Variants in P3H2 observed in about 807,000 individuals in gnomAD.
The protein encoded by P3H2 is prolyl 3-hydroxylase 2.
A neutral mutation model predicts 87.0 loss-of-function variants in P3H2; 80 were observed. The ratio of observed to expected loss-of-function variants is 0.92; its 90% CI spans 0.77 to 1.11. The LOEUF (loss-of-function observed/expected upper bound fraction) is 1.11. Among genes scored for constraint, P3H2 ranks in the 50% least tolerant of loss-of-function variants. The probability of loss-of-function intolerance (pLI) is 0.00; values close to 1 mark genes in which losing one functional copy is unlikely to be tolerated. For synonymous variants in P3H2, 367 were observed against 359.3 expected, an observed-to-expected ratio of 1.02 and a Z score of -0.24; for missense variants, 1,001 against 923.9, an observed-to-expected ratio of 1.08 and a Z score of -1.08.
At chr3:189,996,035 T>C (rs1577261987) in intron 1 of P3H2, among the ~76,000 whole-genome samples, 1 of 152,154 alleles carries the variant, frequency 6.6e-6, no homozygotes, top group South Asian at 2.1e-4. Context: ...AAGACCATTA[T>C]GAAAAACAGT....
intron 13 of P3H2, among the ~76,000 whole-genome samples, chr3:189,970,354 T>C (rs1260051418): frequency 1.3e-5 from 2 of 148,306 alleles, no homozygotes; most frequent in Non-Finnish European, 3.0e-5. Flanking sequence ...CACATACACA[T>C]ACATACACAC....
intron 14 of P3H2, among the ~76,000 whole-genome samples, chr3:189,959,178 A>T (rs1722730030): frequency 6.6e-6 from 1 of 150,482 alleles, no homozygotes; most frequent in African/African-American, 2.4e-5. Flanking sequence ...TTGAAGTTTC[A>T]GGTCTACTTT....
chr3:189,972,103 T>C (rs192587127), intron 11 of P3H2, 96 bp from the exon 12 acceptor site: 175 of 804,696 alleles, frequency 2.2e-4, no homozygotes, highest in Non-Finnish European at 7.5e-5. Context: ...CTGATGATCT[T>C]TGCAAATGGG....
chr3:190,036,296 T>G (rs984745684), intron 1 of P3H2, among the ~76,000 whole-genome samples: 1 of 152,208 alleles, frequency 6.6e-6, no homozygotes, highest in Non-Finnish European at 1.5e-5. Context: ...ATATTTCTTG[T>G]GTCTCCAAAG....
intron 14 of P3H2, among the ~76,000 whole-genome samples, chr3:189,961,651 G>T (rs543487829): frequency 6.6e-6 from 1 of 152,282 alleles, no homozygotes; most frequent in South Asian, 2.1e-4. Flanking sequence ...TGATCTCCAC[G>T]TGTAGCAAAG....
chr3:190,072,754 T>C (rs1726744330), intron 1 of P3H2, among the ~76,000 whole-genome samples: 1 of 152,212 alleles, frequency 6.6e-6, no homozygotes, highest in African/African-American at 2.4e-5. Context: ...ACATGCACAA[T>C]ATAATTCAAA....
At chr3:190,037,697 A>G (rs1378025455) in intron 1 of P3H2, among the ~76,000 whole-genome samples, 1 of 152,238 alleles carries the variant, frequency 6.6e-6, no homozygotes, top group African/African-American at 2.4e-5. Context: ...ATATGGTAAG[A>G]CATTTTAATA....
At chr3:189,962,067 T>C (rs918375016) in intron 14 of P3H2, among the ~76,000 whole-genome samples, 2 of 151,934 alleles carry the variant, frequency 1.3e-5, no homozygotes, top group African/African-American at 4.8e-5. Flanking sequence ...AAAGTAATGA[T>C]AGGGGAAGGC....
intron 4 of P3H2, 167 bp from the exon 5 acceptor site, chr3:189,987,836 G>T (rs1057482314): frequency 6.6e-6 from 5 of 755,096 alleles, no homozygotes; most frequent in Non-Finnish European, 1.1e-5. Context: ...TAAAAGGAAA[G>T]ACATGATTTC....
chr3:190,079,270 G>A (rs1432046824), intron 1 of P3H2, among the ~76,000 whole-genome samples: 1 of 151,880 alleles, frequency 6.6e-6, no homozygotes, highest in Non-Finnish European at 1.5e-5. Context: ...GAACCCAGGA[G>A]GTGGAGGTGG....
At chr3:189,966,435 G>A (rs116427171) in intron 13 of P3H2, among the ~76,000 whole-genome samples, 3 of 152,230 alleles carry the variant, frequency 2.0e-5, no homozygotes, top group East Asian at 3.8e-4. Context: ...AGGAAAAGAA[G>A]CTGTGAACTG....
At chr3:190,037,118 T>C (rs1725449440) in intron 1 of P3H2, among the ~76,000 whole-genome samples, 1 of 152,074 alleles carries the variant, frequency 6.6e-6, no homozygotes, top group Admixed American at 6.6e-5. Context: ...ATTTGACACT[T>C]AGGAGTGAAG....
intron 6 of P3H2, among the ~76,000 whole-genome samples, chr3:189,984,868 G>A (rs886837046): frequency 6.6e-6 from 1 of 152,078 alleles, no homozygotes; most frequent in Non-Finnish European, 1.5e-5. Flanking sequence ...CCAAGAAAGT[G>A]ACTTGGAATT....
intron 13 of P3H2, among the ~76,000 whole-genome samples, chr3:189,968,465 C>G (rs865676): frequency 0.91 from 138,703 of 152,244 alleles, 63,250 homozygotes; most frequent in East Asian, 0.95. Context: ...TGGTATATAT[C>G]TGCTACATTT....
At chr3:190,034,286 T>C (rs1436549872) in intron 1 of P3H2, among the ~76,000 whole-genome samples, 1 of 152,218 alleles carries the variant, frequency 6.6e-6, no homozygotes, top group Non-Finnish European at 1.5e-5. Flanking sequence ...CTAAAAAAGA[T>C]GACAGCTGGA....
chr3:190,068,836 T>C lies in P3H2; in HGVS notation c.480+51416A>G, dbSNP rs28631632. ...AATTTTCAGCTTCTCTACATATAGA[T>C]GCTTTTGCACACAAGAAATTCAAAC... On this transcript the variant is annotated intron_variant, in intron 1 of 14. Transcript: ENST00000319332. Among the ~76,000 whole-genome samples the C allele has an allele frequency of 4.8e-3, 711 of 146,704 alleles. 7 individuals are homozygous for C. The highest frequency in any genetic ancestry group is 0.019 in the African/African-American group (692 of 37,250).
At chr3:190,021,021 A>T (rs1478918243) in intron 1 of P3H2, among the ~76,000 whole-genome samples, 2 of 134,510 alleles carry the variant, frequency 1.5e-5, no homozygotes, top group Non-Finnish European at 3.3e-5. Flanking sequence ...GTCACTTGGA[A>T]AAATCTGAGA....
chr3:190,074,312 C>T (rs1186751980), intron 1 of P3H2, among the ~76,000 whole-genome samples: 1 of 152,038 alleles, frequency 6.6e-6, no homozygotes, highest in Non-Finnish European at 1.5e-5. Context: ...GAGTTCGAGA[C>T]CTGCCTGGCC....
In P3H2 at chr3:190,043,371, C is replaced by T. The variant is rs6807586; in HGVS notation, c.481-47929G>A. 9.2e-3 allele frequency among the ~76,000 whole-genome samples: 1,407 copies of T among 152,270 alleles called. 21 individuals carry two copies. The highest frequency in any genetic ancestry group is 0.031 in the African/African-American group (1,293 of 41,556). On this transcript the variant is annotated intron_variant, in intron 1 of 14. Coordinates refer to ENST00000319332, the MANE Select transcript of P3H2 (RefSeq NM_018192.4). ...CTACTGATGAATGGAGATGATGAGG[C>T]TGCAGAGTGATGAGTGGAAAGAGTG...
Sources: allele counts gnomAD v4.1 joint callset (sites outside exome capture counted in the v4.1 genomes callset), GRCh38; gene constraint gnomAD v4.1.1; transcripts MANE v1.5; gene names NCBI Gene and HGNC (gene_info 2026-07-23, HGNC 2026-07-21).